The following FSTL4 variants were observed in gnomAD, a reference collection of about 807,000 sequenced individuals.
FSTL4 encodes follistatin-related protein 4.
FSTL4 carries 28 observed loss-of-function variants against 78.2 expected under a neutral mutation model. That is an observed-to-expected ratio of 0.36 (90% confidence interval 0.27 to 0.49). The LOEUF is 0.49. Ranked by LOEUF, FSTL4 falls within the 20% of genes least tolerant of loss-of-function variation. FSTL4 has a pLI of 0.98. For missense variants in FSTL4, 922 were observed against 1,084.9 expected, an observed-to-expected ratio of 0.85 and a Z score of 2.11; for synonymous variants, 422 against 440.5, an observed-to-expected ratio of 0.96 and a Z score of 0.53.
the FSTL4 span, among the ~76,000 whole-genome samples, chr5:133,717,791 G>A: frequency 2.0e-5 from 3 of 152,202 alleles, no homozygotes; most frequent in Admixed American, 6.5e-5. Context: ...ACTGCATCAT[G>A]CAGATACACC....
intron 11 of FSTL4, among the ~76,000 whole-genome samples, chr5:133,221,910 T>TTTTG (rs1751135613): frequency 8.7e-6 from 1 of 115,196 alleles, no homozygotes; most frequent in African/African-American, 4.4e-5. Flanking sequence ...TTTTTTTTTT[T>TTTTG]TTTTTTTTTT....
At chr5:133,298,169 G>A (rs1405146814) in intron 6 of FSTL4, among the ~76,000 whole-genome samples, 1 of 152,226 alleles carries the variant, frequency 6.6e-6, no homozygotes, top group Non-Finnish European at 1.5e-5. Flanking sequence ...GATAACGATA[G>A]TTCCTCTCTC....
chr5:133,698,042 T>C, the FSTL4 span, among the ~76,000 whole-genome samples: 3 of 152,282 alleles, frequency 2.0e-5, no homozygotes, highest in African/African-American at 7.2e-5. Flanking sequence ...TTCAATTCCA[T>C]GAGGATTTAT....
chr5:133,650,407 T>G, the FSTL4 span, among the ~76,000 whole-genome samples: 2 of 152,340 alleles, frequency 1.3e-5, no homozygotes, highest in East Asian at 3.9e-4. Flanking sequence ...TTTCATATGT[T>G]ATCTTCTAGG....
chr5:133,731,385 CAGG>C, the FSTL4 span, among the ~76,000 whole-genome samples: 3 of 152,200 alleles, frequency 2.0e-5, no homozygotes, highest in African/African-American at 7.2e-5. Context: ...CCACATCTCA[CAGG>C]AGAAGGAGAG....
At chr5:133,710,104 G>C in the FSTL4 span, among the ~76,000 whole-genome samples, 1 of 152,196 alleles carries the variant, frequency 6.6e-6, no homozygotes, top group African/African-American at 2.4e-5. Flanking sequence ...GCAGGGGTCA[G>C]CCCACTGCAC....
intron 3 of FSTL4, among the ~76,000 whole-genome samples, chr5:133,437,843 A>T (rs1014261793): frequency 6.6e-6 from 1 of 151,412 alleles, no homozygotes; most frequent in African/African-American, 2.4e-5. Context: ...TGTCATTGAG[A>T]AGTTGTTCTC....
the FSTL4 span, among the ~76,000 whole-genome samples, chr5:133,807,560 CCT>C: frequency 6.6e-6 from 1 of 152,180 alleles, no homozygotes; most frequent in African/African-American, 2.4e-5. Context: ...AACTCTGTTC[CCT>C]CTCTTTCCAC....
At chr5:133,538,651 T>C (rs2112916139) in intron 3 of FSTL4, among the ~76,000 whole-genome samples, 1 of 152,328 alleles carries the variant, frequency 6.6e-6, no homozygotes. Flanking sequence ...TATTTATTCA[T>C]TTATGTATGT....
intron 4 of FSTL4, among the ~76,000 whole-genome samples, chr5:133,367,364 G>A (rs1441075517): frequency 1.3e-5 from 2 of 152,196 alleles, no homozygotes; most frequent in African/African-American, 4.8e-5. Flanking sequence ...AAACAATGTG[G>A]AAGATTTCAG....
chr5:133,378,200 AG>A (rs1755486100), intron 4 of FSTL4, among the ~76,000 whole-genome samples: 1 of 152,258 alleles, frequency 6.6e-6, no homozygotes, highest in African/African-American at 2.4e-5. Context: ...CCAAAAAAAA[AG>A]AGCACTGGCA....
chr5:133,244,037 T>C (rs960497789), intron 7 of FSTL4: 5 of 152,346 alleles, frequency 3.3e-5, no homozygotes, highest in Admixed American at 2.0e-4. Context: ...ATGTTCTGTT[T>C]CTGCAGAAAG....
the FSTL4 span, among the ~76,000 whole-genome samples, chr5:133,718,572 A>G: frequency 1.3e-5 from 2 of 152,246 alleles, no homozygotes; most frequent in East Asian, 3.8e-4. Context: ...TTTGACGTAG[A>G]AAATTTTATT....
chr5:133,198,980 A>C lies in FSTL4; in HGVS notation c.*115T>G. On this transcript the variant is annotated 3_prime_UTR_variant, in exon 16 of 16. Coordinates refer to ENST00000265342, the MANE Select transcript of FSTL4 (RefSeq NM_015082.2). Reference sequence around the variant, plus strand: ...CTTGCAAGGAGACCAGTGTTGAACCACAAAGCGAGTACAGGTTTTTGCTTT... The same window carrying C: ...CTTGCAAGGAGACCAGTGTTGAACCCCAAAGCGAGTACAGGTTTTTGCTTT... 1.6e-6 allele frequency: 1 copy of C among 624,926 alleles called. No individual in the cohort carries two copies. Among genetic ancestry groups the C allele is most frequent in the Non-Finnish European group, 2.7e-6 (1 of 367,398 alleles). The allele number at this position is 624,926 out of a possible 1,614,324, so 38.7% of individuals were successfully genotyped here. A position where few individuals can be genotyped will look rare whatever the true frequency, so the allele number is the denominator to read the frequency against.
At chr5:133,833,414 T>C in the FSTL4 span, among the ~76,000 whole-genome samples, 2 of 152,248 alleles carry the variant, frequency 1.3e-5, no homozygotes, top group African/African-American at 2.4e-5. Flanking sequence ...AAATTATGCA[T>C]AAAGAATATT....
At chr5:133,572,726 T>TA (rs1760187215) in intron 2 of FSTL4, among the ~76,000 whole-genome samples, 1 of 152,090 alleles carries the variant, frequency 6.6e-6, no homozygotes, top group East Asian at 1.9e-4. Context: ...ATGATTTTTT[T>TA]AAAAAAGATC....
intron 6 of FSTL4, among the ~76,000 whole-genome samples, chr5:133,278,623 A>G (rs1752941977): frequency 6.6e-6 from 1 of 152,206 alleles, no homozygotes. Flanking sequence ...GTGAGGTGGC[A>G]TCAGGAAACC....
At chr5:133,488,970 T>C (rs148191302) in intron 3 of FSTL4, among the ~76,000 whole-genome samples, 95 of 152,296 alleles carry the variant, frequency 6.2e-4, no homozygotes, top group African/African-American at 2.2e-3. Context: ...GGCCATCTTG[T>C]CAACCCCCCA....
the FSTL4 span, among the ~76,000 whole-genome samples, chr5:133,650,539 A>G: frequency 6.6e-6 from 1 of 152,158 alleles, no homozygotes; most frequent in Non-Finnish European, 1.5e-5. Context: ...TGGTCCTAGC[A>G]TCATTTATTG....
Sources: gnomAD v4.1 joint callset for allele counts (sites outside exome capture counted in the v4.1 genomes callset) on GRCh38, gnomAD v4.1.1 for gene constraint, MANE v1.5 for transcripts, NCBI Gene and HGNC (gene_info 2026-07-23, HGNC 2026-07-21) for gene names.